Variants in CNTLN observed in about 807,000 individuals in gnomAD.
CNTLN encodes the protein centlein.
A neutral mutation model predicts 180.0 loss-of-function variants in CNTLN; 212 were observed. The ratio of observed to expected loss-of-function variants is 1.18; its 90% CI spans 1.05 to 1.32. CNTLN has a LOEUF of 1.32. Among genes scored for constraint, CNTLN ranks in the 40% most tolerant of loss-of-function variants. CNTLN has a pLI of 0.00. For synonymous variants in CNTLN, 722 were observed against 563.1 expected, an observed-to-expected ratio of 1.28 and a Z score of -3.99; for missense variants, 2,095 against 1,610.9, an observed-to-expected ratio of 1.30 and a Z score of -5.14.
chr9:17,432,937 C>T (rs1361358596), intron 18 of CNTLN, among the ~76,000 whole-genome samples: 1 of 145,640 alleles, frequency 6.9e-6, no homozygotes, highest in Non-Finnish European at 1.5e-5. Context: ...AGGAGAATAG[C>T]TTGAGCCCAG....
the CNTLN span, among the ~76,000 whole-genome samples, chr9:17,522,036 G>A: frequency 6.6e-6 from 1 of 151,984 alleles, no homozygotes; most frequent in Admixed American, 6.6e-5. Flanking sequence ...AGCAACTACT[G>A]TTTACAATGA....
chr9:17,502,840 A>G lies in CNTLN; in HGVS notation c.*188A>G, dbSNP rs1211885514. The G allele has an allele frequency of 1.5e-5, 5 of 328,260 alleles. No homozygotes were observed. Among genetic ancestry groups the G allele is most frequent in the Middle Eastern group, 8.2e-4 (1 of 1,222 alleles). 20.3% of individuals were successfully genotyped at this position (328,260 alleles called of 1,614,324 possible). On this transcript the variant is annotated 3_prime_UTR_variant, in exon 26 of 26. Transcript: ENST00000380647. ...AACTAATTAAGTACATAGCCATTTA[A>G]AAGGAAATAGTGTAGCATCTGATGG...
intron 2 of CNTLN, among the ~76,000 whole-genome samples, chr9:17,215,861 G>GTT (rs1409412037): frequency 1.3e-5 from 2 of 152,146 alleles, no homozygotes; most frequent in Non-Finnish European, 2.9e-5. Flanking sequence ...CAGGCGCGGG[G>GTT]TATAATCTCC....
chr9:17,281,931 C>T (rs1828690642), intron 6 of CNTLN, among the ~76,000 whole-genome samples: 1 of 151,948 alleles, frequency 6.6e-6, no homozygotes, highest in Admixed American at 6.6e-5. Flanking sequence ...TCCTGTTTCT[C>T]CACAGCCTCG....
At chr9:17,377,845 C>G (rs751590418) in intron 13 of CNTLN, among the ~76,000 whole-genome samples, 1 of 152,082 alleles carries the variant, frequency 6.6e-6, no homozygotes, top group Non-Finnish European at 1.5e-5. Flanking sequence ...AAGTGGATGC[C>G]TGAAAATTTA....
intron 16 of CNTLN, among the ~76,000 whole-genome samples, chr9:17,415,432 T>G (rs188376588): frequency 1.2e-4 from 19 of 152,328 alleles, no homozygotes; most frequent in African/African-American, 4.3e-4. Flanking sequence ...ATCCCTAGAT[T>G]AAATTTCTAC....
At chr9:17,252,547 T>A (rs1157662914) in intron 5 of CNTLN, among the ~76,000 whole-genome samples, 1 of 151,802 alleles carries the variant, frequency 6.6e-6, no homozygotes, top group Non-Finnish European at 1.5e-5. Context: ...TATCTTCTTT[T>A]GAGAAATGTC....
intron 3 of CNTLN, among the ~76,000 whole-genome samples, chr9:17,234,583 G>A (rs1825019020): frequency 6.6e-6 from 1 of 151,962 alleles, no homozygotes; most frequent in African/African-American, 2.4e-5. Flanking sequence ...AATTTGATAA[G>A]GAAGAAATGT....
chr9:17,210,309 C>T (rs1050961319), intron 2 of CNTLN, among the ~76,000 whole-genome samples: 15 of 152,210 alleles, frequency 9.9e-5, no homozygotes, highest in East Asian at 5.8e-4. Context: ...TGAGAACATG[C>T]GGTGTTTGGT....
At position 17,141,436 on chromosome 9, in the gene CNTLN, A is replaced by G. The variant is rs540885496; in HGVS notation, c.361-1852A>G. On this transcript the variant is annotated intron_variant, in intron 1 of 25. Transcript: ENST00000380647. ...ACTCTATGTGAAAGTGTGATGGATG[A>G]TGCAGTATGTGCATTGGCCCTGGTT... Among the ~76,000 whole-genome samples the G allele has an allele frequency of 5.3e-5, 8 of 152,260 alleles. No homozygotes were observed. In the South Asian group the frequency reaches 1.5e-3, roughly 28 times the overall value.
At chr9:17,516,454 G>A in the CNTLN span, among the ~76,000 whole-genome samples, 5 of 152,264 alleles carry the variant, frequency 3.3e-5, no homozygotes, top group African/African-American at 9.6e-5. Context: ...ATGAAGACCC[G>A]AAGACCCAGG....
chr9:17,476,636 A>C (rs932650951), intron 23 of CNTLN, among the ~76,000 whole-genome samples: 19 of 152,248 alleles, frequency 1.2e-4, no homozygotes, highest in Non-Finnish European at 1.5e-4. Context: ...AGATTAAACC[A>C]GTCACAACAG....
At chr9:17,175,876 T>G (rs1207491022) in intron 2 of CNTLN, among the ~76,000 whole-genome samples, 1 of 152,166 alleles carries the variant, frequency 6.6e-6, no homozygotes, top group Non-Finnish European at 1.5e-5. Flanking sequence ...GGTATGATGG[T>G]AAATGATACT....
chr9:17,293,714 C>A (rs1817578546), intron 6 of CNTLN, among the ~76,000 whole-genome samples: 1 of 152,132 alleles, frequency 6.6e-6, no homozygotes, highest in Non-Finnish European at 1.5e-5. Flanking sequence ...GCATCTTAGG[C>A]AAAAGGCAGG....
intron 8 of CNTLN, among the ~76,000 whole-genome samples, chr9:17,318,958 C>T (rs1819723134): frequency 6.6e-6 from 1 of 152,132 alleles, no homozygotes; most frequent in Non-Finnish European, 1.5e-5. Flanking sequence ...CGAAACTGAA[C>T]AACACCATTT....
At chr9:17,278,338 TTA>T (rs1828447996) in intron 6 of CNTLN, among the ~76,000 whole-genome samples, 1 of 152,164 alleles carries the variant, frequency 6.6e-6, no homozygotes, top group Admixed American at 6.5e-5. Context: ...CATATGAACT[TTA>T]GAGTAAACTT....
chr9:17,209,814 G>C (rs10962903), intron 2 of CNTLN, among the ~76,000 whole-genome samples: 6,237 of 152,294 alleles, frequency 0.041, 181 homozygotes, highest in South Asian at 0.14. Context: ...TTTAGGAAGA[G>C]ATTGAGGTAT....
At position 17,415,888 on chromosome 9, in the gene CNTLN, A is replaced by T; in HGVS notation, c.2890+7A>T. ...ACAGCAGTTCCTACTAGAGGTAAGA[A>T]TGTATATGCAATTAACAATATGTCT... On this transcript the variant is annotated splice_region_variant and intron_variant, in intron 17 of 25. Coordinates refer to ENST00000380647, the MANE Select transcript of CNTLN (RefSeq NM_017738.4). 1 of 1,596,570 alleles carries T rather than the reference A, an allele frequency of 6.3e-7. No individual in the cohort carries two copies. The highest frequency in any genetic ancestry group is 8.6e-7 in the Non-Finnish European group (1 of 1,168,134).
intron 9 of CNTLN, among the ~76,000 whole-genome samples, chr9:17,331,096 A>G (rs1044554217): frequency 6.6e-6 from 1 of 151,954 alleles, no homozygotes; most frequent in African/African-American, 2.4e-5. Context: ...AGTATTCCTC[A>G]TCTCTCTCAT....
Sources: gnomAD v4.1 joint callset for allele counts (sites outside exome capture counted in the v4.1 genomes callset) on GRCh38, gnomAD v4.1.1 for gene constraint, MANE v1.5 for transcripts, NCBI Gene and HGNC (gene_info 2026-07-23, HGNC 2026-07-21) for gene names.